The following DMD variants were observed in gnomAD, a reference collection of about 807,000 sequenced individuals.
The protein encoded by DMD is dystrophin.
DMD carries 63 observed loss-of-function variants against 330.1 expected under a neutral mutation model. The observed-to-expected ratio is 0.19, with a 90% CI of 0.16 to 0.24. The LOEUF (loss-of-function observed/expected upper bound fraction) is 0.24. Ranked by LOEUF, DMD falls within the 10% of genes least tolerant of loss-of-function variation. DMD has a pLI of 1.00. For missense variants in DMD, 3,344 were observed against 2,684.1 expected, an observed-to-expected ratio of 1.25 and a Z score of -5.43; for synonymous variants, 1,223 against 959.8, an observed-to-expected ratio of 1.27 and a Z score of -5.07.
At chrX:31,782,949 T>C (rs1481959767) in intron 50 of DMD, among the ~76,000 whole-genome samples, 1 of 111,316 alleles carries the variant, frequency 9.0e-6, no homozygotes, top group Non-Finnish European at 1.9e-5. Flanking sequence ...ACTAAGACCT[T>C]TGTATATGAA....
intron 2 of DMD, among the ~76,000 whole-genome samples, chrX:32,900,300 G>A (rs2086120625): frequency 9.0e-6 from 1 of 111,148 alleles, no homozygotes; most frequent in Admixed American, 9.6e-5. Flanking sequence ...ATTTGGGAAG[G>A]GTGGCATGTG....
intron 45 of DMD, among the ~76,000 whole-genome samples, chrX:31,947,607 A>G (rs1014557611): frequency 2.7e-5 from 3 of 112,114 alleles, no homozygotes; most frequent in African/African-American, 9.7e-5. Context: ...TTATATCTGG[A>G]TATACTCACT....
chrX:31,355,064 T>C (rs1293572521), intron 60 of DMD, among the ~76,000 whole-genome samples: 1 of 112,054 alleles, frequency 8.9e-6, no homozygotes, highest in Non-Finnish European at 1.9e-5. Context: ...TTCTTCAACA[T>C]TGCTTTTAAA....
intron 7 of DMD, among the ~76,000 whole-genome samples, chrX:32,778,718 G>C (rs1446575148): frequency 9.0e-6 from 1 of 111,454 alleles, no homozygotes; most frequent in Admixed American, 9.6e-5. Flanking sequence ...AGTAGGTATA[G>C]TCTTTCTCAA....
chrX:32,781,525 A>G (rs964695967), intron 7 of DMD, among the ~76,000 whole-genome samples: 4 of 111,152 alleles, frequency 3.6e-5, no homozygotes, highest in African/African-American at 6.5e-5. Context: ...AACTCAATAT[A>G]CCGGGAACAC....
chrX:32,930,024 T>G (rs2089447001), intron 2 of DMD, among the ~76,000 whole-genome samples: 1 of 111,769 alleles, frequency 8.9e-6, no homozygotes, highest in South Asian at 3.7e-4. Flanking sequence ...GTTTGGAAAT[T>G]TTGAAACTTG....
intron 1 of DMD, among the ~76,000 whole-genome samples, chrX:33,108,683 C>T (rs2095312653): frequency 9.5e-6 from 1 of 104,746 alleles, no homozygotes; most frequent in African/African-American, 3.4e-5. Flanking sequence ...TGAGACCAGC[C>T]TGGCCAACAT....
intron 43 of DMD, among the ~76,000 whole-genome samples, chrX:32,244,676 C>T (rs2097224705): frequency 1.1e-5 from 1 of 93,407 alleles, no homozygotes; most frequent in African/African-American, 4.1e-5. Flanking sequence ...GATGATATCT[C>T]ATAGTGGTTT....
At chrX:32,672,549 G>A (rs1407886869) in intron 9 of DMD, among the ~76,000 whole-genome samples, 1 of 110,625 alleles carries the variant, frequency 9.0e-6, no homozygotes, top group East Asian at 2.8e-4. Context: ...CCAATCCCAT[G>A]CATAAGTCCT....
chrX:32,002,164 A>G (rs1011083595), intron 44 of DMD, among the ~76,000 whole-genome samples: 2 of 111,502 alleles, frequency 1.8e-5, no homozygotes, highest in Admixed American at 9.5e-5. Context: ...TGTTGCCTCT[A>G]TGGTGTCTTT....
At chrX:33,201,718 T>A (rs1315200231) in intron 1 of DMD, among the ~76,000 whole-genome samples, 1 of 112,565 alleles carries the variant, frequency 8.9e-6, no homozygotes, top group African/African-American at 3.2e-5. Context: ...CAAGTACTAT[T>A]CAGAATAGTA....
In DMD at chrX:31,527,093, T is replaced by A. The variant is rs778392884; in HGVS notation, c.8218-19640A>T. On this transcript the variant is annotated intron_variant, in intron 55 of 78. Coordinates refer to ENST00000357033, the MANE Select transcript of DMD (RefSeq NM_004006.3). ...TTGTGCCACTGCACTCCAGCCTGGGTGACAGGGTATGACCCTGTCTCCAAA... is the reference window on the plus strand; with the variant it reads ...TTGTGCCACTGCACTCCAGCCTGGGAGACAGGGTATGACCCTGTCTCCAAA... 1.7e-4 allele frequency among the ~76,000 whole-genome samples: 19 copies of A among 111,355 alleles called. No individual in the cohort carries two copies. In the East Asian group the frequency reaches 5.1e-3, roughly 30 times the overall value.
At chrX:32,865,092 C>T (rs1458847786) in intron 2 of DMD, among the ~76,000 whole-genome samples, 1 of 111,411 alleles carries the variant, frequency 9.0e-6, no homozygotes, top group African/African-American at 3.3e-5. Context: ...TGTGTGAACA[C>T]TGATAAATTA....
intron 1 of DMD, among the ~76,000 whole-genome samples, chrX:33,225,917 A>G (rs1434342887): frequency 1.8e-5 from 2 of 111,571 alleles, no homozygotes; most frequent in African/African-American, 6.5e-5. Flanking sequence ...GGCAAAAGAC[A>G]TGGAGACATT....
chrX:33,049,250 G>A (rs1244014045), intron 1 of DMD, among the ~76,000 whole-genome samples: 1 of 111,736 alleles, frequency 8.9e-6, no homozygotes, highest in Non-Finnish European at 1.9e-5. Flanking sequence ...AACTTATCAC[G>A]ATTTTCATCC....
At chrX:31,840,828 G>T (rs751517415) in intron 48 of DMD, among the ~76,000 whole-genome samples, 1 of 110,285 alleles carries the variant, frequency 9.1e-6, no homozygotes, top group Non-Finnish European at 1.9e-5. Context: ...TATTCTGAAC[G>T]CTCCACTGAC....
At chrX:31,542,113 C>T (rs183845050) in intron 55 of DMD, among the ~76,000 whole-genome samples, 330 of 111,498 alleles carry the variant, frequency 3.0e-3, no homozygotes, top group African/African-American at 9.8e-3. Context: ...TAAACATTCC[C>T]TTAAGGATTT....
chrX:31,737,690 G>A (rs982771132), intron 51 of DMD, among the ~76,000 whole-genome samples: 2 of 107,438 alleles, frequency 1.9e-5, no homozygotes, highest in South Asian at 4.5e-4. Flanking sequence ...TTGGATCTGC[G>A]AAAGTATCCA....
intron 45 of DMD, among the ~76,000 whole-genome samples, chrX:31,932,857 C>T (rs1258032124): frequency 8.9e-6 from 1 of 112,489 alleles, no homozygotes; most frequent in African/African-American, 3.2e-5. Flanking sequence ...GGTTTCTCAA[C>T]TTTAGCATTA....
Sources: allele counts gnomAD v4.1 joint callset (sites outside exome capture counted in the v4.1 genomes callset), GRCh38; gene constraint gnomAD v4.1.1; transcripts MANE v1.5; gene names NCBI Gene and HGNC (gene_info 2026-07-23, HGNC 2026-07-21).